TTLL1: variants seen among roughly 807,000 people sequenced by gnomAD.
TTLL1 encodes the protein TTL family tubulin polyglutamylase complex subunit L1.
A neutral mutation model predicts 47.8 loss-of-function variants in TTLL1; 33 were observed. That is an observed-to-expected ratio of 0.69 (90% CI 0.52 to 0.92). The LOEUF (loss-of-function observed/expected upper bound fraction) is 0.92, where lower values mean the gene tolerates loss of function less well. Ranked by LOEUF, TTLL1 falls within the 40% of genes least tolerant of loss-of-function variation. TTLL1 has a pLI of 0.00. For missense variants in TTLL1, 488 were observed against 547.5 expected, an observed-to-expected ratio of 0.89 and a Z score of 1.08; for synonymous variants, 225 against 214.1, an observed-to-expected ratio of 1.05 and a Z score of -0.45.
chr22:43,052,019 AC>A, intron 8 of TTLL1, 132 bp from the exon 9 acceptor site: 1 of 763,020 alleles, frequency 1.3e-6, no homozygotes, highest in South Asian at 1.5e-5. Flanking sequence ...TCCACCACAA[AC>A]GCTTCCTTCC....
intron 8 of TTLL1, among the ~76,000 whole-genome samples, chr22:43,053,944 C>T (rs374717819): frequency 3.9e-5 from 6 of 152,144 alleles, no homozygotes; most frequent in East Asian, 1.9e-4. Context: ...CTGCTTAATC[C>T]GGCATTAGAA....
At chr22:43,078,098 C>T (rs960474714) in intron 2 of TTLL1, among the ~76,000 whole-genome samples, 1 of 151,596 alleles carries the variant, frequency 6.6e-6, no homozygotes, top group Non-Finnish European at 1.5e-5. Context: ...CAGAGTGAGA[C>T]CCTGTCTTAA....
At chr22:43,087,717 A>C (rs1929320208) in intron 1 of TTLL1, among the ~76,000 whole-genome samples, 1 of 150,874 alleles carries the variant, frequency 6.6e-6, no homozygotes. Context: ...GGGCGCCTGT[A>C]ATCCAAGCTA....
chr22:43,044,387 A>G (rs1436371319), intron 10 of TTLL1, among the ~76,000 whole-genome samples: 2 of 152,194 alleles, frequency 1.3e-5, no homozygotes, highest in East Asian at 3.8e-4. Context: ...TGTAACACGC[A>G]CATCCACACC....
intron 7 of TTLL1, among the ~76,000 whole-genome samples, chr22:43,061,447 C>T (rs36110290): frequency 0.22 from 34,018 of 152,110 alleles, 4,474 homozygotes; most frequent in Middle Eastern, 0.36. Context: ...GGCAGAGGAC[C>T]GAGTCCAGCC....
intron 5 of TTLL1, among the ~76,000 whole-genome samples, chr22:43,066,980 T>G (rs1172236917): frequency 1.3e-5 from 2 of 150,378 alleles, no homozygotes; most frequent in South Asian, 4.2e-4. Context: ...AGAGTGAGAC[T>G]CCATCTCAAA....
At chr22:43,055,048 A>G (rs1027071440) in intron 8 of TTLL1, among the ~76,000 whole-genome samples, 14 of 142,656 alleles carry the variant, frequency 9.8e-5, no homozygotes, top group Non-Finnish European at 1.8e-4. Flanking sequence ...TTTGAGACAG[A>G]ATCTTAACTC....
intron 8 of TTLL1, among the ~76,000 whole-genome samples, chr22:43,054,639 G>A (rs1422069943): frequency 6.6e-6 from 1 of 151,334 alleles, no homozygotes; most frequent in East Asian, 1.9e-4. Context: ...GGCCAGGCTG[G>A]TCTCGAACTC....
Position 43,076,961 on chromosome 22 carries a change from T to C in TTLL1, c.-4-1371A>G, listed in dbSNP as rs902682721. Among the ~76,000 whole-genome samples, 8 of 148,648 alleles carry C rather than the reference T, an allele frequency of 5.4e-5. No individual in the cohort carries two copies. The South Asian group carries it at 6.5e-4, about 12-fold the overall frequency. The stretch of plus-strand genomic sequence containing the variant: ...CTAAAAATACAAAAAATTAGCCGGG[T>C]GCGGTGGCAGGCGCCTGTAGTCCCA... On this transcript the variant is annotated intron_variant, in intron 2 of 10. Transcript: ENST00000266254.
intron 2 of TTLL1, among the ~76,000 whole-genome samples, chr22:43,076,730 G>A (rs1205492717): frequency 6.6e-6 from 1 of 151,700 alleles, no homozygotes; most frequent in Non-Finnish European, 1.5e-5. Context: ...CAGCTTGGGC[G>A]ATAGAGCGAG....
Position 43,068,454 on chromosome 22 carries a change from C to T in TTLL1, c.459G>A (p.Lys153=), listed in dbSNP as rs772974940. ...AQGKGIFLIN[K]LSQIKKWSRD... The stretch of plus-strand genomic sequence containing the variant: ...GGGACCACTTTTTGATCTGTGAGAG[C>T]TTGTTGATAAGGAAGATGCCCTTTC... Residue 153 remains lysine (K), a synonymous_variant, in exon 5 of 11, where the codon AAG becomes AAA. Transcript: ENST00000266254. The T allele has an allele frequency of 1.3e-6, 2 of 1,558,936 alleles. No individual in the cohort carries two copies. The highest frequency in any genetic ancestry group is 2.3e-5 in the South Asian group (2 of 85,674).
intron 9 of TTLL1, among the ~76,000 whole-genome samples, chr22:43,051,056 C>T (rs956907736): frequency 1.3e-5 from 2 of 152,198 alleles, no homozygotes; most frequent in African/African-American, 2.4e-5. Flanking sequence ...AAAATGTGAC[C>T]GAGATGAAGG....
Position 43,048,410 on chromosome 22 carries a change from G to A in TTLL1, c.979-1837C>T, listed in dbSNP as rs549002357. ...AGCACTTTGGGAGGCCGAGGTGGAG[G>A]GATCGCTTGAAGCTAGGAGTTCAAG... On this transcript the variant is annotated intron_variant, in intron 9 of 10. Coordinates refer to ENST00000266254, the MANE Select transcript of TTLL1 (RefSeq NM_012263.5). Among the ~76,000 whole-genome samples, 4 of 151,802 alleles carry A rather than the reference G, an allele frequency of 2.6e-5. 1 individual carries two copies. The South Asian group carries it at 8.4e-4, about 32-fold the overall frequency.
At chr22:43,040,023 C>T in intron 10 of TTLL1, 118 bp from the exon 11 acceptor site, 1 of 1,401,958 alleles carries the variant, frequency 7.1e-7, no homozygotes, top group Non-Finnish European at 9.6e-7. Flanking sequence ...GAGGGGGCCC[C>T]ACCCTCGCGA....
intron 4 of TTLL1, 107 bp from the exon 5 acceptor site, chr22:43,068,697 C>G: frequency 1.0e-6 from 1 of 996,220 alleles, no homozygotes; most frequent in South Asian, 3.2e-5. Context: ...GAGTGTCCCC[C>G]ACCGCAACCC....
At chr22:43,049,484 T>C (rs1226413874) in intron 9 of TTLL1, among the ~76,000 whole-genome samples, 1 of 150,222 alleles carries the variant, frequency 6.7e-6, no homozygotes, top group Non-Finnish European at 1.5e-5. Context: ...GATGGCGCCA[T>C]TGCACTCCAG....
intron 1 of TTLL1, among the ~76,000 whole-genome samples, chr22:43,088,989 C>A (rs1929434046): frequency 6.6e-6 from 1 of 152,072 alleles, no homozygotes; most frequent in Admixed American, 6.6e-5. Flanking sequence ...GAATGGGAAA[C>A]GTGTAGGAAC....
intron 3 of TTLL1, among the ~76,000 whole-genome samples, chr22:43,073,829 A>ATTTT (rs1338674632): frequency 2.1e-5 from 3 of 142,276 alleles, no homozygotes; most frequent in Admixed American, 7.1e-5. Flanking sequence ...TTATTTATTT[A>ATTTT]TTTATTTTTT....
At chr22:43,054,232 G>A (rs1464635442) in intron 8 of TTLL1, among the ~76,000 whole-genome samples, 1 of 152,214 alleles carries the variant, frequency 6.6e-6, no homozygotes, top group Non-Finnish European at 1.5e-5. Context: ...GCTTCAGTGG[G>A]ACAAGAGATG....
Sources: allele counts gnomAD v4.1 joint callset (sites outside exome capture counted in the v4.1 genomes callset), GRCh38; gene constraint gnomAD v4.1.1; transcripts MANE v1.5; gene names NCBI Gene and HGNC (gene_info 2026-07-23, HGNC 2026-07-21).